FAM227B: variants seen among roughly 807,000 people sequenced by gnomAD.
FAM227B encodes the protein protein FAM227B.
FAM227B carries 88 observed loss-of-function variants against 73.8 expected under a neutral mutation model. That is an observed-to-expected ratio of 1.19 (90% confidence interval 1.00 to 1.42). The LOEUF is 1.42. FAM227B is among the 40% of genes most tolerant of loss of function. The pLI is 0.00. For synonymous variants in FAM227B, 210 were observed against 190.5 expected (o/e 1.10, Z -0.84); for missense variants, 632 against 590.9 (o/e 1.07, Z -0.72).
chr15:49,345,955 A>T (rs1468696311), intron 13 of FAM227B, among the ~76,000 whole-genome samples: 7 of 152,084 alleles, frequency 4.6e-5, no homozygotes, highest in African/African-American at 1.4e-4. Context: ...CAAATTTCGT[A>T]CTTATCTGCC....
intron 13 of FAM227B, among the ~76,000 whole-genome samples, chr15:49,352,194 C>A (rs1386719605): frequency 1.3e-5 from 2 of 152,140 alleles, no homozygotes; most frequent in Admixed American, 6.6e-5. Context: ...GCAAGCATCC[C>A]AAAAGCAAGA....
chr15:49,395,855 A>G (rs1300365788), intron 11 of FAM227B: 2 of 442,158 alleles, frequency 4.5e-6, no homozygotes, highest in Non-Finnish European at 9.0e-6. Flanking sequence ...TTCAAAGGAT[A>G]GAATTGAATC....
chr15:49,397,454 T>C (rs982134165), intron 11 of FAM227B, among the ~76,000 whole-genome samples: 1 of 151,972 alleles, frequency 6.6e-6, no homozygotes, highest in Non-Finnish European at 1.5e-5. Flanking sequence ...ACTTCCCCAA[T>C]CTAGCAAGGC....
chr15:49,594,013 T>A (rs2076744557), intron 3 of FAM227B, among the ~76,000 whole-genome samples: 1 of 152,210 alleles, frequency 6.6e-6, no homozygotes, highest in Admixed American at 6.5e-5. Context: ...CATACTGTTT[T>A]CCATAGTGAT....
intron 3 of FAM227B, among the ~76,000 whole-genome samples, chr15:49,608,679 A>T (rs1028973603): frequency 2.0e-5 from 3 of 152,078 alleles, no homozygotes; most frequent in Non-Finnish European, 4.4e-5. Context: ...TGAAATTATT[A>T]TTTTCTCTAT....
intron 12 of FAM227B, among the ~76,000 whole-genome samples, chr15:49,369,126 T>TTTG (rs1355893752): frequency 3.9e-5 from 2 of 51,474 alleles, no homozygotes; most frequent in Non-Finnish European, 8.8e-5. Context: ...GCCTGGCTAA[T>TTTG]TTTTTTATTT....
intron 11 of FAM227B, among the ~76,000 whole-genome samples, chr15:49,441,897 T>C (rs2051688318): frequency 6.6e-6 from 1 of 151,606 alleles, no homozygotes; most frequent in Non-Finnish European, 1.5e-5. Flanking sequence ...TCATTGTACT[T>C]ATGCATTTAT....
At chr15:49,505,252 G>C (rs1367841997) in intron 11 of FAM227B, among the ~76,000 whole-genome samples, 2 of 152,116 alleles carry the variant, frequency 1.3e-5, no homozygotes, top group East Asian at 1.9e-4. Context: ...CTGTGGGTTG[G>C]TGGCAAGAAG....
chr15:49,602,676 T>A (rs1444639530), intron 3 of FAM227B, among the ~76,000 whole-genome samples: 1 of 152,144 alleles, frequency 6.6e-6, no homozygotes, highest in African/African-American at 2.4e-5. Flanking sequence ...CATGTTTGCT[T>A]TGGTTGCCTG....
chr15:49,410,633 T>G (rs994943835), intron 11 of FAM227B, among the ~76,000 whole-genome samples: 3 of 152,104 alleles, frequency 2.0e-5, no homozygotes, highest in African/African-American at 7.2e-5. Context: ...ATTGTTTCTT[T>G]AAATGATTAC....
chr15:49,415,578 G>A (rs187024095), intron 11 of FAM227B, among the ~76,000 whole-genome samples: 9 of 152,226 alleles, frequency 5.9e-5, no homozygotes, highest in African/African-American at 2.2e-4. Context: ...GTCTAAAGTT[G>A]TATCACAATT....
chr15:49,362,615 CTTTAG>C (rs1483727396), intron 13 of FAM227B, among the ~76,000 whole-genome samples: 2 of 152,132 alleles, frequency 1.3e-5, no homozygotes, highest in African/African-American at 4.8e-5. Context: ...CGCAGAAGGT[CTTTAG>C]TTTAATTAGG....
At chr15:49,346,349 G>A (rs568592218) in intron 13 of FAM227B, among the ~76,000 whole-genome samples, 4 of 152,286 alleles carry the variant, frequency 2.6e-5, no homozygotes, top group African/African-American at 9.6e-5. Context: ...ATGCTATGAA[G>A]CCTGACTATG....
chr15:49,422,745 A>G, intron 11 of FAM227B: 1 of 1,326,822 alleles, frequency 7.5e-7, no homozygotes, highest in South Asian at 1.3e-5. Flanking sequence ...AATTGTACTT[A>G]TATTCATATT....
chr15:49,382,538 A>C (rs934879394), intron 11 of FAM227B, among the ~76,000 whole-genome samples: 7 of 152,094 alleles, frequency 4.6e-5, no homozygotes, highest in African/African-American at 1.7e-4. Context: ...GTCCACTTAC[A>C]AAGGTACCTA....
At chr15:49,455,230 T>C (rs2151903679) in intron 11 of FAM227B, among the ~76,000 whole-genome samples, 1 of 152,326 alleles carries the variant, frequency 6.6e-6, no homozygotes, top group Non-Finnish European at 1.5e-5. Context: ...TCAGGCATTC[T>C]GCTAGGTGGT....
chr15:49,349,854 A>AAAAAC (rs546612405), intron 13 of FAM227B, among the ~76,000 whole-genome samples: 50 of 152,166 alleles, frequency 3.3e-4, no homozygotes, highest in Non-Finnish European at 1.2e-4. Flanking sequence ...AAAAACGATA[A>AAAAAC]AAAACAAAAC....
intron 10 of FAM227B, among the ~76,000 whole-genome samples, chr15:49,538,929 T>TAACAA (rs1309248119): frequency 1.4e-5 from 1 of 70,234 alleles, no homozygotes; most frequent in African/African-American, 8.3e-5. Context: ...TATCAGGAAA[T>TAACAA]TGTTGAGTAT....
intron 11 of FAM227B, among the ~76,000 whole-genome samples, chr15:49,458,815 T>C (rs1459894638): frequency 3.9e-5 from 6 of 152,262 alleles, no homozygotes; most frequent in East Asian, 1.9e-4. Flanking sequence ...AAAAAATAAG[T>C]CTTGCAGATG....
Sources: gnomAD v4.1 joint callset for allele counts (sites outside exome capture counted in the v4.1 genomes callset) on GRCh38, gnomAD v4.1.1 for gene constraint, MANE v1.5 for transcripts, NCBI Gene and HGNC (gene_info 2026-07-23, HGNC 2026-07-21) for gene names.